Variants in ITGA9 observed in about 807,000 individuals in gnomAD.
ITGA9 encodes integrin subunit alpha 9.
A neutral mutation model predicts 127.8 loss-of-function variants in ITGA9; 56 were observed. That is an observed-to-expected ratio of 0.44 (90% CI 0.35 to 0.55). The LOEUF (loss-of-function observed/expected upper bound fraction) is 0.55. Ranked by LOEUF, ITGA9 falls within the 20% of genes least tolerant of loss-of-function variation. ITGA9 has a pLI of 0.00. For synonymous variants in ITGA9, 508 were observed against 514.5 expected (o/e 0.99, Z 0.17); for missense variants, 1,196 against 1,347.1 (o/e 0.89, Z 1.76).
intron 23 of ITGA9, among the ~76,000 whole-genome samples, chr3:37,775,904 C>T (rs1696901627): frequency 6.6e-6 from 1 of 152,096 alleles, no homozygotes; most frequent in Non-Finnish European, 1.5e-5. Flanking sequence ...CAGCACTGTT[C>T]ACAATAGCAA....
intron 15 of ITGA9, among the ~76,000 whole-genome samples, chr3:37,613,943 T>G (rs1402387301): frequency 6.6e-6 from 1 of 152,244 alleles, no homozygotes; most frequent in Non-Finnish European, 1.5e-5. Context: ...TAGTTTCTTT[T>G]GCTGTGCAGA....
intron 24 of ITGA9, 55 bp from the exon 25 acceptor site, chr3:37,779,847 T>G: frequency 6.3e-7 from 1 of 1,594,156 alleles, no homozygotes; most frequent in Non-Finnish European, 8.6e-7. Context: ...TAAATTGTTG[T>G]GGATTTGTCT....
At chr3:37,620,623 T>G in intron 15 of ITGA9, among the ~76,000 whole-genome samples, 1 of 152,196 alleles carries the variant, frequency 6.6e-6, no homozygotes, top group East Asian at 1.9e-4. Flanking sequence ...CCCTCTGACC[T>G]TGAACTGGCT....
intron 1 of ITGA9, among the ~76,000 whole-genome samples, chr3:37,455,571 TA>T (rs1185806549): frequency 6.6e-6 from 1 of 152,128 alleles, no homozygotes; most frequent in Non-Finnish European, 1.5e-5. Flanking sequence ...GTGAGGAAGG[TA>T]AAATATAGAC....
chr3:37,566,628 G>C (rs543159480), intron 15 of ITGA9, among the ~76,000 whole-genome samples: 2 of 152,298 alleles, frequency 1.3e-5, no homozygotes, highest in East Asian at 3.9e-4. Context: ...TCCTATGGTG[G>C]GTGTGCTGCA....
intron 23 of ITGA9, among the ~76,000 whole-genome samples, chr3:37,757,544 G>A (rs1696667351): frequency 6.6e-6 from 1 of 151,664 alleles, no homozygotes. Flanking sequence ...TAAACTACTT[G>A]GGAGGCTGAG....
intron 16 of ITGA9, among the ~76,000 whole-genome samples, chr3:37,649,723 C>T (rs1399080048): frequency 6.6e-6 from 1 of 152,198 alleles, no homozygotes; most frequent in Non-Finnish European, 1.5e-5. Flanking sequence ...ATGGACCTAG[C>T]TGGCATATAC....
rs1284156636 is a variant in ITGA9 at position 37,819,350 on chromosome 3, TG to T, written c.*362del. 9.4e-6 allele frequency: 2 copies of T among 213,790 alleles called. No individual in the cohort carries two copies. Among genetic ancestry groups the T allele is most frequent in the Non-Finnish European group, 1.9e-5 (2 of 105,318 alleles). 13.2% of individuals were successfully genotyped at this position (213,790 alleles called of 1,614,324 possible). A position where few individuals can be genotyped will look rare whatever the true frequency, so the allele number is the denominator to read the frequency against. On this transcript the variant is annotated 3_prime_UTR_variant, in exon 28 of 28. Coordinates refer to ENST00000264741, the MANE Select transcript of ITGA9 (RefSeq NM_002207.3). The stretch of plus-strand genomic sequence containing the variant: ...ATTATGTCTTTTATATTTGTATCGA[TG>T]TTTTATTATTTCTATTAAATAGTTA...
At chr3:37,630,854 T>G (rs923019941) in intron 16 of ITGA9, among the ~76,000 whole-genome samples, 37 of 152,186 alleles carry the variant, frequency 2.4e-4, no homozygotes, top group Middle Eastern at 3.4e-3. Flanking sequence ...GGACACGTGG[T>G]GTCTAAGCAG....
intron 27 of ITGA9, among the ~76,000 whole-genome samples, chr3:37,811,154 G>A (rs1697364254): frequency 6.6e-6 from 1 of 152,200 alleles, no homozygotes; most frequent in Non-Finnish European, 1.5e-5. Flanking sequence ...CAGACACTGG[G>A]AGCCATAATT....
rs528443082 is a variant in ITGA9 at position 37,522,627 on chromosome 3, G to A, written c.1237-894G>A. On this transcript the variant is annotated intron_variant, in intron 11 of 27. Transcript: ENST00000264741. The stretch of plus-strand genomic sequence containing the variant: ...AGTCCCAGCTACTTGGGAGGCTAAG[G>A]CGGGAGGATCACTTAAGCCCAGGAG... Among the ~76,000 whole-genome samples the A allele has an allele frequency of 1.1e-4, 16 of 152,126 alleles. No homozygotes were observed. The East Asian group carries it at 3.1e-3, about 29-fold the overall frequency.
At chr3:37,676,162 TAAGTA>T (rs1166120819) in intron 17 of ITGA9, among the ~76,000 whole-genome samples, 1 of 152,218 alleles carries the variant, frequency 6.6e-6, no homozygotes, top group African/African-American at 2.4e-5. Context: ...TATTATATCG[TAAGTA>T]AAGTAAAACT....
chr3:37,671,261 A>G (rs1341772239), intron 17 of ITGA9, among the ~76,000 whole-genome samples: 4 of 152,208 alleles, frequency 2.6e-5, no homozygotes, highest in African/African-American at 9.7e-5. Flanking sequence ...GCTGATGAGG[A>G]TTTGAATTCC....
At position 37,612,959 on chromosome 3, in the gene ITGA9, C is replaced by CTT. The variant is rs35973222; in HGVS notation, c.1690-16214_1690-16213dup. On this transcript the variant is annotated intron_variant, in intron 15 of 27. Coordinates refer to ENST00000264741, the MANE Select transcript of ITGA9 (RefSeq NM_002207.3). ...TTATTTGTGGAGACCTTGTGCTGTTCTTTTTTTTTTTTTTTAATTATACTT... is the reference window on the plus strand; with the variant it reads ...TTATTTGTGGAGACCTTGTGCTGTTCTTTTTTTTTTTTTTTTTAATTATACTT... 1.6e-3 allele frequency among the ~76,000 whole-genome samples: 225 copies of CTT among 140,870 alleles called. 4 individuals carry two copies. Among genetic ancestry groups the CTT allele is most frequent in the African/African-American group, 5.6e-3 (217 of 38,656 alleles). 92.4% of individuals were successfully genotyped at this position (140,870 alleles called of 152,430 possible).
At chr3:37,791,163 C>T (rs1478221528) in intron 26 of ITGA9, among the ~76,000 whole-genome samples, 1 of 152,142 alleles carries the variant, frequency 6.6e-6, no homozygotes. Flanking sequence ...AGAAACTCCC[C>T]CAAGGCAAAT....
At position 37,542,586 on chromosome 3, in the gene ITGA9, G is replaced by GTCAGTC; in HGVS notation, c.1689+2_1689+7dup. ...TCGTCACTATGTGGCCCATGTGAAG[G>GTCAGTC]TCAGTCCTCTCCTCCTTTTTATCCT... is the stretch of plus-strand genomic sequence containing the variant. On this transcript the variant is annotated splice_donor_variant, in intron 15 of 27. Coordinates refer to ENST00000264741, the MANE Select transcript of ITGA9 (RefSeq NM_002207.3). LOFTEE classifies it high-confidence loss of function. The GTCAGTC allele has an allele frequency of 6.2e-7, 1 of 1,614,122 alleles. No homozygotes were observed. The highest frequency in any genetic ancestry group is 1.1e-5 in the South Asian group (1 of 91,078).
chr3:37,737,710 A>T (rs1476543309), intron 20 of ITGA9, among the ~76,000 whole-genome samples: 2 of 152,058 alleles, frequency 1.3e-5, no homozygotes, highest in Non-Finnish European at 2.9e-5. Context: ...AGGGAGACAC[A>T]AGCTTTGATT....
chr3:37,639,948 C>G (rs964690104), intron 16 of ITGA9, among the ~76,000 whole-genome samples: 3 of 152,114 alleles, frequency 2.0e-5, no homozygotes, highest in African/African-American at 7.2e-5. Context: ...GCTGAGCATA[C>G]CAATGGTGAT....
At chr3:37,555,503 T>C (rs1472928402) in intron 15 of ITGA9, among the ~76,000 whole-genome samples, 3 of 152,240 alleles carry the variant, frequency 2.0e-5, no homozygotes, top group African/African-American at 7.2e-5. Flanking sequence ...GTGGCTACCA[T>C]GTTGGACAGT....
Sources: gnomAD v4.1 joint callset for allele counts (sites outside exome capture counted in the v4.1 genomes callset) on GRCh38, gnomAD v4.1.1 for gene constraint, MANE v1.5 for transcripts, NCBI Gene and HGNC (gene_info 2026-07-23, HGNC 2026-07-21) for gene names.